The following TRNT1 variants were observed in gnomAD, a reference collection of about 807,000 sequenced individuals.
TRNT1 encodes the protein tRNA nucleotidyl transferase 1.
In TRNT1, 44 loss-of-function variants were observed where a neutral mutation model predicts 45.6. That is an observed-to-expected ratio of 0.97 (90% CI 0.76 to 1.24). The LOEUF is 1.24. Ranked by LOEUF, TRNT1 falls within the 50% of genes most tolerant of loss-of-function variation. The pLI is 0.00. For synonymous variants in TRNT1, 201 were observed against 171.4 expected (o/e 1.17, Z -1.35); for missense variants, 633 against 504.4 (o/e 1.25, Z -2.44).
intron 2 of TRNT1, chr3:3,129,835 A>G: frequency 3.9e-6 from 6 of 1,544,318 alleles, no homozygotes; most frequent in Non-Finnish European, 5.3e-6. Flanking sequence ...TTCTGTAACT[A>G]CTAACTAGAG....
intron 2 of TRNT1, among the ~76,000 whole-genome samples, chr3:3,133,676 T>C (rs1309882388): frequency 4.6e-5 from 7 of 152,144 alleles, no homozygotes; most frequent in South Asian, 4.1e-4. Context: ...TTTAGTCCTT[T>C]GGCTGTTGTC....
chr3:3,146,681 T>A, intron 6 of TRNT1, 58 bp downstream of exon 6: 3 of 1,395,468 alleles, frequency 2.1e-6, no homozygotes, highest in Non-Finnish European at 1.9e-6. Context: ...GGTTTCAAAT[T>A]TCATAAGGAA....
At chr3:3,147,398 G>C in intron 6 of TRNT1, 52 bp from the exon 7 acceptor site, 1 of 1,595,828 alleles carries the variant, frequency 6.3e-7, no homozygotes, top group Non-Finnish European at 8.5e-7. Context: ...TAGGATATGA[G>C]TGGTTTTTTA....
In TRNT1 at chr3:3,137,440, C is replaced by T; in HGVS notation, c.329C>T (p.Thr110Ile). 6.2e-7 allele frequency: 1 copy of T among 1,609,158 alleles called. No homozygotes were observed. Among genetic ancestry groups the T allele is most frequent in the Non-Finnish European group, 8.5e-7 (1 of 1,178,374 alleles). ...MINNRGEKHGTITARLHEENF... is the reference protein window; with the variant it reads ...MINNRGEKHGIITARLHEENF... ...AACAACAGAGGAGAAAAGCACGGAACAATTACTGCCAGGGTGAGTCAAAAG... is the reference window on the plus strand; with the variant it reads ...AACAACAGAGGAGAAAAGCACGGAATAATTACTGCCAGGGTGAGTCAAAAG... Residue 110 changes from threonine to isoleucine, a missense_variant, in exon 3 of 8, where the codon ACA becomes ATA. Thr to Ile is a moderately conservative substitution (Grantham distance 89). Transcript: ENST00000251607.
chr3:3,129,295 ATTTTT>A, intron 2 of TRNT1, 107 bp downstream of exon 2: 5 of 1,087,752 alleles, frequency 4.6e-6, no homozygotes, highest in Non-Finnish European at 6.6e-6. Flanking sequence ...TGTTTTAATT[ATTTTT>A]ATTAAAAAAC....
At chr3:3,146,738 A>G in intron 6 of TRNT1, 115 bp downstream of exon 6, 2 of 1,012,818 alleles carry the variant, frequency 2.0e-6, no homozygotes, top group Non-Finnish European at 2.8e-6. Flanking sequence ...GAAATGGAGT[A>G]TTTTAAAATA....
intron 5 of TRNT1, 29 bp from the exon 6 acceptor site, chr3:3,146,401 T>TG (rs1706021293): frequency 1.3e-6 from 2 of 1,575,962 alleles, no homozygotes; most frequent in Non-Finnish European, 1.7e-6. Context: ...AATATAGAGG[T>TG]AATACCCTGT....
chr3:3,152,150 AT>A (rs66844241), downstream of TRNT1, among the ~76,000 whole-genome samples: 71 of 147,140 alleles, frequency 4.8e-4, no homozygotes, highest in South Asian at 6.2e-3. Context: ...ATTTAAATAA[AT>A]TTTTTTTTTT....
intron 4 of TRNT1, among the ~76,000 whole-genome samples, chr3:3,142,702 A>G (rs1705733889): frequency 6.6e-6 from 1 of 152,172 alleles, no homozygotes; most frequent in Non-Finnish European, 1.5e-5. Context: ...TGCTTTGATC[A>G]TATTCCTATG....
downstream of TRNT1, among the ~76,000 whole-genome samples, chr3:3,151,848 TAGA>T (rs1706579431): frequency 9.0e-6 from 1 of 111,414 alleles, no homozygotes; most frequent in African/African-American, 3.0e-5. Context: ...AAAGGCAAAC[TAGA>T]AGAAAAGCAG....
At chr3:3,152,976 C>G (rs1284427377), downstream of TRNT1, 3 of 298,130 alleles carry the variant, frequency 1.0e-5, no homozygotes, top group Admixed American at 1.4e-4. Flanking sequence ...GTTTCCTTAC[C>G]TTCTTGATTT....
intron 2 of TRNT1, among the ~76,000 whole-genome samples, chr3:3,133,343 C>T (rs961923297): frequency 1.3e-5 from 2 of 151,978 alleles, no homozygotes; most frequent in Non-Finnish European, 2.9e-5. Flanking sequence ...TGCTTGAGCC[C>T]AGGAGTTAGA....
chr3:3,149,757 A>ACACTC (rs1163479012), downstream of TRNT1: 4 of 152,258 alleles, frequency 2.6e-5, no homozygotes, highest in East Asian at 7.7e-4. Flanking sequence ...ATGCAGTGTG[A>ACACTC]CACTCAACTG....
downstream of TRNT1, chr3:3,150,652 G>A (rs1706460856): frequency 4.0e-6 from 2 of 496,130 alleles, no homozygotes; most frequent in East Asian, 7.4e-5. Context: ...GATGTTTCTG[G>A]TATTCTAGAC....
chr3:3,134,811 G>C (rs1705227881), intron 2 of TRNT1, among the ~76,000 whole-genome samples: 1 of 152,074 alleles, frequency 6.6e-6, no homozygotes, highest in South Asian at 2.1e-4. Flanking sequence ...GAGAAGTGGG[G>C]AGACAAAGAC....
At chr3:3,150,776 A>T, downstream of TRNT1, 1 of 1,245,192 alleles carries the variant, frequency 8.0e-7, no homozygotes, top group Non-Finnish European at 1.1e-6. Flanking sequence ...TGTTATGTTT[A>T]CTTAGGTATG....
chr3:3,129,639 A>T (rs922671253), intron 2 of TRNT1: 1 of 567,176 alleles, frequency 1.8e-6, no homozygotes, highest in African/African-American at 1.9e-5. Context: ...ATCCAAAAAT[A>T]TAGCTAAATC....
At chr3:3,139,678 C>T (rs1705527757) in intron 3 of TRNT1, among the ~76,000 whole-genome samples, 1 of 152,168 alleles carries the variant, frequency 6.6e-6, no homozygotes, top group Admixed American at 6.5e-5. Context: ...TCAGCTTCCC[C>T]AGCTGGAGGT....
chr3:3,145,736 A>C (rs1256090453), intron 5 of TRNT1: 1 of 152,048 alleles, frequency 6.6e-6, no homozygotes, highest in Admixed American at 6.6e-5. Context: ...TCTAAACTTG[A>C]GTATTTGTAG....
Sources: allele counts gnomAD v4.1 joint callset (sites outside exome capture counted in the v4.1 genomes callset), GRCh38; gene constraint gnomAD v4.1.1; transcripts MANE v1.5; gene names NCBI Gene and HGNC (gene_info 2026-07-23, HGNC 2026-07-21).